Variants in ZCCHC7 observed in about 807,000 individuals in gnomAD.
ZCCHC7 encodes zinc finger CCHC-type containing 7.
In ZCCHC7, 35 loss-of-function variants were observed where a neutral mutation model predicts 52.0. The ratio of observed to expected loss-of-function variants is 0.67; its 90% CI spans 0.51 to 0.89. The LOEUF (loss-of-function observed/expected upper bound fraction) is 0.89, where lower values mean the gene tolerates loss of function less well. Ranked by LOEUF, ZCCHC7 falls within the 40% of genes least tolerant of loss-of-function variation. The probability of loss-of-function intolerance (pLI) is 0.00; values close to 1 mark genes in which losing one functional copy is unlikely to be tolerated. For synonymous variants in ZCCHC7, 217 were observed against 221.5 expected, an observed-to-expected ratio of 0.98 and a Z score of 0.18; for missense variants, 574 against 649.1, an observed-to-expected ratio of 0.88 and a Z score of 1.26.
chr9:37,143,751 A>G (rs1453104511), intron 2 of ZCCHC7, among the ~76,000 whole-genome samples: 2 of 151,754 alleles, frequency 1.3e-5, no homozygotes, highest in Non-Finnish European at 3.0e-5. Context: ...TTTTTATCCT[A>G]AATTTAAGCC....
At chr9:37,187,832 G>T (rs1471431109) in intron 2 of ZCCHC7, among the ~76,000 whole-genome samples, 3 of 151,838 alleles carry the variant, frequency 2.0e-5, no homozygotes, top group African/African-American at 4.8e-5. Flanking sequence ...TGAATCCACT[G>T]TTGTGGAACC....
chr9:37,269,618 C>CAA (rs1170865355), intron 2 of ZCCHC7, among the ~76,000 whole-genome samples: 1,004 of 27,178 alleles, frequency 0.037, 192 homozygotes, highest in African/African-American at 0.064. Context: ...GACTCTGTCT[C>CAA]AAAAAAAAAA....
rs376148204 is a variant in ZCCHC7 at position 37,256,998 on chromosome 9, T to C, written c.611-45190T>C. Reference sequence around the variant, plus strand: ...ACCTATAACAAAAGACAGAAGTTTATTGACATGTATATTTTATATATACAT... The same window carrying C: ...ACCTATAACAAAAGACAGAAGTTTACTGACATGTATATTTTATATATACAT... On this transcript the variant is annotated intron_variant, in intron 2 of 8. Coordinates refer to ENST00000336755, the MANE Select transcript of ZCCHC7 (RefSeq NM_032226.3). Among the ~76,000 whole-genome samples, 31 of 152,334 alleles carry C rather than the reference T, an allele frequency of 2.0e-4. 1 individual carries two copies. In the East Asian group the frequency reaches 5.6e-3, roughly 27 times the overall value.
At chr9:37,192,947 A>C (rs1823093821) in intron 2 of ZCCHC7, among the ~76,000 whole-genome samples, 2 of 152,216 alleles carry the variant, frequency 1.3e-5, no homozygotes, top group Non-Finnish European at 2.9e-5. Context: ...TGTGGAGAAC[A>C]GTAATTGTGT....
chr9:37,200,785 A>G (rs1422893960), intron 2 of ZCCHC7, among the ~76,000 whole-genome samples: 2 of 152,262 alleles, frequency 1.3e-5, no homozygotes, highest in African/African-American at 4.8e-5. Context: ...AATATGAACC[A>G]TTGAAAGGCT....
intron 2 of ZCCHC7, among the ~76,000 whole-genome samples, chr9:37,244,025 A>G (rs1203272418): frequency 6.6e-6 from 1 of 151,856 alleles, no homozygotes; most frequent in Non-Finnish European, 1.5e-5. Context: ...TTCATTAAAC[A>G]ATAAGGATTT....
intron 2 of ZCCHC7, among the ~76,000 whole-genome samples, chr9:37,226,176 TTAAA>T (rs1825087841): frequency 6.6e-6 from 1 of 152,226 alleles, no homozygotes; most frequent in Non-Finnish European, 1.5e-5. Context: ...ACTTGAATTT[TTAAA>T]TATGCCATTT....
intron 2 of ZCCHC7, among the ~76,000 whole-genome samples, chr9:37,236,759 C>G (rs1454658132): frequency 6.6e-6 from 1 of 152,140 alleles, no homozygotes; most frequent in Non-Finnish European, 1.5e-5. Flanking sequence ...GTCCCATACA[C>G]GGCACAGTGC....
At chr9:37,320,598 T>TA (rs1163460314) in intron 5 of ZCCHC7, among the ~76,000 whole-genome samples, 2 of 152,228 alleles carry the variant, frequency 1.3e-5, no homozygotes, top group Non-Finnish European at 2.9e-5. Context: ...AGAACTCCTT[T>TA]AGCCTCCATT....
chr9:37,337,384 C>T (rs1830722135), intron 6 of ZCCHC7, among the ~76,000 whole-genome samples: 1 of 32,796 alleles, frequency 3.0e-5, no homozygotes, highest in African/African-American at 1.1e-4. Flanking sequence ...TGTTATCCCA[C>T]CCCACCCTAC....
At chr9:37,222,672 G>T (rs1824886891) in intron 2 of ZCCHC7, among the ~76,000 whole-genome samples, 1 of 151,920 alleles carries the variant, frequency 6.6e-6, no homozygotes, top group Non-Finnish European at 1.5e-5. Flanking sequence ...AAACTGGTAG[G>T]ACTTAACTAC....
chr9:37,248,307 A>G (rs1032350125), intron 2 of ZCCHC7, among the ~76,000 whole-genome samples: 5 of 152,192 alleles, frequency 3.3e-5, no homozygotes, highest in Admixed American at 1.3e-4. Context: ...AACTTTTCCT[A>G]TTATACCACC....
At chr9:37,269,471 TA>T (rs2133491084) in intron 2 of ZCCHC7, among the ~76,000 whole-genome samples, 1 of 151,362 alleles carries the variant, frequency 6.6e-6, no homozygotes, top group Non-Finnish European at 1.5e-5. Context: ...TTTTAAAAAT[TA>T]ACTGAGTGTT....
At chr9:37,342,179 A>G (rs1820682437) in intron 6 of ZCCHC7, among the ~76,000 whole-genome samples, 1 of 152,134 alleles carries the variant, frequency 6.6e-6, no homozygotes, top group Non-Finnish European at 1.5e-5. Flanking sequence ...AGGTGGATGT[A>G]TTTGCAGAGC....
intron 2 of ZCCHC7, among the ~76,000 whole-genome samples, chr9:37,132,611 G>C (rs1019421215): frequency 1.3e-5 from 2 of 151,296 alleles, no homozygotes; most frequent in African/African-American, 4.9e-5. Flanking sequence ...ACTCATGTTT[G>C]TCCCTCAGTG....
chr9:37,224,420 G>A (rs939339059), intron 2 of ZCCHC7, among the ~76,000 whole-genome samples: 7 of 152,174 alleles, frequency 4.6e-5, no homozygotes, highest in Non-Finnish European at 1.0e-4. Context: ...TAGGAGTAAT[G>A]TAGACTCCTA....
chr9:37,140,929 A>G (rs1187364666), intron 2 of ZCCHC7, among the ~76,000 whole-genome samples: 2 of 152,016 alleles, frequency 1.3e-5, no homozygotes, highest in African/African-American at 2.4e-5. Flanking sequence ...AGCAAAGAGA[A>G]TCTTTTCTTC....
At chr9:37,257,250 T>C (rs1481505434) in intron 2 of ZCCHC7, among the ~76,000 whole-genome samples, 2 of 152,246 alleles carry the variant, frequency 1.3e-5, no homozygotes, top group African/African-American at 2.4e-5. Context: ...GGTTAACCTT[T>C]GTTTCTCCTA....
At chr9:37,143,809 A>G (rs1016467548) in intron 2 of ZCCHC7, among the ~76,000 whole-genome samples, 81 of 151,930 alleles carry the variant, frequency 5.3e-4, no homozygotes, top group African/African-American at 1.5e-3. Flanking sequence ...CTAATGTTCA[A>G]TTAAGTTATG....
Sources: gnomAD v4.1 joint callset for allele counts (sites outside exome capture counted in the v4.1 genomes callset) on GRCh38, gnomAD v4.1.1 for gene constraint, MANE v1.5 for transcripts, NCBI Gene and HGNC (gene_info 2026-07-23, HGNC 2026-07-21) for gene names.